The following DOCK9 variants were observed in gnomAD, a reference collection of about 807,000 sequenced individuals.
DOCK9 encodes dedicator of cytokinesis protein 9.
Under a neutral mutation model 263.3 loss-of-function variants are expected in DOCK9, and 89 were observed. The observed-to-expected ratio is 0.34, with a 90% CI of 0.28 to 0.40. DOCK9 has a LOEUF of 0.40. Ranked by LOEUF, DOCK9 falls within the 10% of genes least tolerant of loss-of-function variation. The probability of loss-of-function intolerance (pLI) is 1.00; values close to 1 mark genes in which losing one functional copy is unlikely to be tolerated. For missense variants in DOCK9, 2,140 were observed against 2,603.4 expected, an observed-to-expected ratio of 0.82 and a Z score of 3.87; for synonymous variants, 976 against 973.1, an observed-to-expected ratio of 1.00 and a Z score of -0.06.
At chr13:98,830,699 T>C (rs1451903506) in intron 41 of DOCK9, among the ~76,000 whole-genome samples, 1 of 152,198 alleles carries the variant, frequency 6.6e-6, no homozygotes, top group African/African-American at 2.4e-5. Context: ...ATAACAGTGG[T>C]CACACTTGTA....
chr13:98,957,474 GGACA>G (rs1216066031), intron 1 of DOCK9, among the ~76,000 whole-genome samples: 6 of 151,732 alleles, frequency 4.0e-5, no homozygotes, highest in South Asian at 2.1e-4. Context: ...TGTGCTATGT[GGACA>G]GAGACTAAAA....
At chr13:99,065,140 A>T (rs2041360510) in intron 1 of DOCK9, among the ~76,000 whole-genome samples, 1 of 152,180 alleles carries the variant, frequency 6.6e-6, no homozygotes, top group Admixed American at 6.6e-5. Flanking sequence ...GGGAGCTCCA[A>T]GCTCACTGTG....
intron 15 of DOCK9, among the ~76,000 whole-genome samples, chr13:98,891,871 A>C (rs538610828): frequency 8.5e-5 from 13 of 152,062 alleles, no homozygotes; most frequent in African/African-American, 2.9e-4. Context: ...ACCCATTTCA[A>C]AAGTTTATGG....
At chr13:99,041,067 G>C (rs149430377) in intron 1 of DOCK9, among the ~76,000 whole-genome samples, 100 of 152,226 alleles carry the variant, frequency 6.6e-4, no homozygotes, top group Middle Eastern at 3.4e-3. Flanking sequence ...GGACATCTGT[G>C]GCCAGAGCAC....
intron 2 of DOCK9, among the ~76,000 whole-genome samples, 167 bp downstream of exon 2, chr13:98,955,268 A>C (rs376472801): frequency 2.6e-5 from 4 of 152,312 alleles, no homozygotes; most frequent in African/African-American, 9.6e-5. Flanking sequence ...CCGTTGAGCC[A>C]AGATGGCACC....
At chr13:98,834,551 G>C (rs1348143015) in intron 39 of DOCK9, 1 of 152,172 alleles carries the variant, frequency 6.6e-6, no homozygotes, top group Non-Finnish European at 1.5e-5. Context: ...TTCAAATCAA[G>C]AAGAGGCACT....
intron 15 of DOCK9, among the ~76,000 whole-genome samples, chr13:98,895,470 G>T (rs1215992018): frequency 6.6e-6 from 1 of 152,066 alleles, no homozygotes; most frequent in Non-Finnish European, 1.5e-5. Context: ...TTTGAGATCA[G>T]CCTGGCCAAT....
intron 1 of DOCK9, among the ~76,000 whole-genome samples, chr13:99,017,672 C>A (rs941593480): frequency 6.6e-6 from 1 of 152,102 alleles, no homozygotes; most frequent in Non-Finnish European, 1.5e-5. Flanking sequence ...TTCCCTGGAC[C>A]ACACTGGAAG....
intron 3 of DOCK9, among the ~76,000 whole-genome samples, chr13:98,929,310 A>C (rs2053546992): frequency 6.6e-6 from 1 of 152,208 alleles, no homozygotes; most frequent in Admixed American, 6.5e-5. Context: ...TGGGAGGCCA[A>C]GGCGGGCAGA....
chr13:98,826,375 C>A (rs990112469), intron 44 of DOCK9, among the ~76,000 whole-genome samples: 5 of 152,210 alleles, frequency 3.3e-5, no homozygotes, highest in Non-Finnish European at 5.9e-5. Context: ...TCCTCGCCCC[C>A]TCTCCTTCCT....
intron 23 of DOCK9, among the ~76,000 whole-genome samples, chr13:98,882,257 C>T (rs920096999): frequency 2.0e-5 from 3 of 151,798 alleles, no homozygotes; most frequent in Non-Finnish European, 2.9e-5. Flanking sequence ...CCCATGGAAT[C>T]GCAAAGGGCC....
chr13:98,968,839 A>T (rs891301058), intron 1 of DOCK9, among the ~76,000 whole-genome samples: 2 of 152,182 alleles, frequency 1.3e-5, no homozygotes, highest in African/African-American at 4.8e-5. Flanking sequence ...TGGTTCTATA[A>T]AGCAGCAGAC....
chr13:98,842,806 GT>G (rs1400300531), intron 38 of DOCK9, among the ~76,000 whole-genome samples: 1 of 152,170 alleles, frequency 6.6e-6, no homozygotes, highest in Non-Finnish European at 1.5e-5. Flanking sequence ...GTGTTCTAAA[GT>G]TTATTTTCCA....
chr13:98,960,004 A>G (rs933122478), intron 1 of DOCK9, among the ~76,000 whole-genome samples: 4 of 152,208 alleles, frequency 2.6e-5, no homozygotes, highest in African/African-American at 9.7e-5. Context: ...GGCCTGAGAC[A>G]TGATTAGTGA....
intron 27 of DOCK9, among the ~76,000 whole-genome samples, chr13:98,873,979 G>A (rs1025746858): frequency 2.0e-5 from 3 of 152,052 alleles, no homozygotes; most frequent in African/African-American, 4.8e-5. Context: ...CCCCACTCAA[G>A]TCTGACCTTA....
intron 1 of DOCK9, among the ~76,000 whole-genome samples, chr13:98,984,477 A>G (rs1279318891): frequency 6.6e-6 from 1 of 152,240 alleles, no homozygotes; most frequent in African/African-American, 2.4e-5. Flanking sequence ...AGAACTTTAA[A>G]GGACATTGAG....
chr13:98,853,332 C>G, intron 35 of DOCK9, 76 bp downstream of exon 35: 1 of 880,638 alleles, frequency 1.1e-6, no homozygotes, highest in Non-Finnish European at 1.8e-6. Context: ...TGTATCATTT[C>G]AACTTATTAC....
chr13:99,061,339 A>C (rs1269691495), intron 1 of DOCK9, among the ~76,000 whole-genome samples: 4 of 152,224 alleles, frequency 2.6e-5, no homozygotes, highest in African/African-American at 4.8e-5. Flanking sequence ...CTTTTAAAAA[A>C]TATTATCTCC....
At chr13:99,036,083 T>C (rs1187402287) in intron 1 of DOCK9, among the ~76,000 whole-genome samples, 1 of 152,194 alleles carries the variant, frequency 6.6e-6, no homozygotes, top group Non-Finnish European at 1.5e-5. Context: ...TAAGCCTCCA[T>C]GATCGTTTAA....
Sources: allele counts gnomAD v4.1 joint callset (sites outside exome capture counted in the v4.1 genomes callset), GRCh38; gene constraint gnomAD v4.1.1; transcripts MANE v1.5; gene names NCBI Gene and HGNC (gene_info 2026-07-23, HGNC 2026-07-21).